Variants in ZNF536 observed in about 807,000 individuals in gnomAD.
ZNF536 encodes zinc finger protein 536.
In ZNF536, 13 loss-of-function variants were observed where a neutral mutation model predicts 84.5. The ratio of observed to expected loss-of-function variants is 0.15; its 90% CI spans 0.10 to 0.24. The LOEUF (loss-of-function observed/expected upper bound fraction) is 0.24, where lower values mean the gene tolerates loss of function less well. Among genes scored for constraint, ZNF536 ranks in the 10% least tolerant of loss-of-function variants. The pLI, the probability that ZNF536 is intolerant of heterozygous loss-of-function variation, is 1.00. For synonymous variants in ZNF536, 811 were observed against 742.5 expected, an observed-to-expected ratio of 1.09 and a Z score of -1.50; for missense variants, 1,536 against 1,747.5, an observed-to-expected ratio of 0.88 and a Z score of 2.16.
intron 1 of ZNF536, among the ~76,000 whole-genome samples, chr19:30,420,824 G>T (rs551868248): frequency 1.3e-5 from 2 of 152,156 alleles, no homozygotes; most frequent in African/African-American, 4.8e-5. Context: ...CAGAATTATG[G>T]TGCTATTTTC....
chr19:30,604,012 C>T (rs965432611), intron 1 of ZNF536, among the ~76,000 whole-genome samples: 1 of 152,148 alleles, frequency 6.6e-6, no homozygotes, highest in Non-Finnish European at 1.5e-5. Context: ...ATCGCTTGAA[C>T]CTGGGAGGCC....
At chr19:30,554,083 AC>A (rs34666982) in intron 4 of ZNF536, 18,575 of 127,470 alleles carry the variant, frequency 0.15, 1,345 homozygotes, top group Non-Finnish European at 0.18. Flanking sequence ...AATAATTGGG[AC>A]CCCCCCCCCT....
intron 1 of ZNF536, among the ~76,000 whole-genome samples, chr19:30,634,440 A>AG (rs1217718309): frequency 6.6e-6 from 1 of 152,096 alleles, no homozygotes. Context: ...GTCAGGAAAA[A>AG]TGATTACCCT....
chr19:30,445,863 C>T lies in ZNF536; in HGVS notation c.2170+131C>T. 7.9e-7 allele frequency: 1 copy of T among 1,264,860 alleles called. No homozygotes were observed. The highest frequency in any genetic ancestry group is 1.1e-6 in the Non-Finnish European group (1 of 946,978). The allele number at this position is 1,264,860 out of a possible 1,614,324, so 78.4% of individuals were successfully genotyped here. A position where few individuals can be genotyped will look rare whatever the true frequency, so the allele number is the denominator to read the frequency against. ...TGATTGAGGACAGGGGTGGGTTGGA[C>T]ACTGGGCCATGCCTTTCTTTCCCCC... On this transcript the variant is annotated intron_variant, in intron 2 of 4. Transcript: ENST00000355537. The surrounding 1 kb of genome is among the most constrained non-coding windows in gnomAD (Gnocchi z 4.5).
At chr19:30,606,770 GC>G (rs1427239226) in intron 1 of ZNF536, among the ~76,000 whole-genome samples, 1 of 152,148 alleles carries the variant, frequency 6.6e-6, no homozygotes, top group Non-Finnish European at 1.5e-5. Flanking sequence ...TCCAGCAGGG[GC>G]CCTGTCCAGC....
chr19:30,510,765 C>G (rs78826969), intron 2 of ZNF536, among the ~76,000 whole-genome samples: 3,692 of 152,342 alleles, frequency 0.024, 154 homozygotes, highest in African/African-American at 0.085. Context: ...TATGTTCCCA[C>G]TGTAGTTATC....
intron 2 of ZNF536, among the ~76,000 whole-genome samples, chr19:30,515,758 C>CCTATAAT (rs1333807537): frequency 6.6e-6 from 1 of 151,962 alleles, no homozygotes; most frequent in Non-Finnish European, 1.5e-5. Flanking sequence ...GTGGCTCACC[C>CCTATAAT]CTATAATCTA....
intron 2 of ZNF536, among the ~76,000 whole-genome samples, chr19:30,489,511 G>A (rs948650774): frequency 2.6e-5 from 4 of 152,148 alleles, no homozygotes; most frequent in African/African-American, 7.2e-5. Context: ...GAGCCCGGGA[G>A]GTCCAGAATG....
rs561552388 is a variant in ZNF536 at position 30,657,292 on chromosome 19, G to C, written c.170-53465G>C. Among the ~76,000 whole-genome samples, 8 of 152,298 alleles carry C rather than the reference G, an allele frequency of 5.3e-5. No individual in the cohort carries two copies. The South Asian group carries it at 1.7e-3, about 32-fold the overall frequency. On this transcript the variant is annotated intron_variant, in intron 1 of 1. Coordinates refer to the ZNF536 transcript ENST00000592773. ...AACTGCCTCAGCTTTAGTATTCTCT[G>C]TGTAATGACTATGAAAATAGAATCT...
intron 1 of ZNF536, among the ~76,000 whole-genome samples, chr19:30,266,513 A>T (rs1055382901): frequency 1.3e-5 from 2 of 152,132 alleles, no homozygotes; most frequent in African/African-American, 4.8e-5. Context: ...TCTCGTCTGT[A>T]TCTCTCTCCT....
intron 2 of ZNF536, among the ~76,000 whole-genome samples, chr19:30,472,836 G>A (rs1011001514): frequency 2.0e-5 from 3 of 152,046 alleles, no homozygotes; most frequent in African/African-American, 4.8e-5. Flanking sequence ...CTGCAAGGAA[G>A]TGCTCCAAGG....
At chr19:30,668,802 C>G (rs2050431132) in intron 1 of ZNF536, among the ~76,000 whole-genome samples, 1 of 152,234 alleles carries the variant, frequency 6.6e-6, no homozygotes, top group South Asian at 2.1e-4. Flanking sequence ...GAGCTCCCAA[C>G]TCATTCCACC....
chr19:30,497,021 C>T (rs1198703101), intron 2 of ZNF536, among the ~76,000 whole-genome samples: 1 of 152,128 alleles, frequency 6.6e-6, no homozygotes, highest in African/African-American at 2.4e-5. Flanking sequence ...ATGCTCTTTA[C>T]AAGAGAGATG....
At chr19:30,628,430 CTTTTT>C (rs35554742) in intron 1 of ZNF536, among the ~76,000 whole-genome samples, 1 of 139,350 alleles carries the variant, frequency 7.2e-6, no homozygotes, top group Non-Finnish European at 1.5e-5. Flanking sequence ...CCAGTAGTCA[CTTTTT>C]TTTTTTTTTT....
intron 1 of ZNF536, among the ~76,000 whole-genome samples, chr19:30,696,801 C>G (rs553743071): frequency 6.6e-6 from 1 of 152,280 alleles, no homozygotes; most frequent in East Asian, 1.9e-4. Flanking sequence ...CCAGAGGCTC[C>G]TCTCTGCTGA....
chr19:30,577,127 GT>G (rs1424845108), intron 1 of ZNF536, among the ~76,000 whole-genome samples: 3 of 152,164 alleles, frequency 2.0e-5, no homozygotes, highest in African/African-American at 7.2e-5. Context: ...TATTGTGCAT[GT>G]TTTTTTCTCC....
At chr19:30,681,668 G>C (rs376662734) in intron 1 of ZNF536, among the ~76,000 whole-genome samples, 11 of 152,282 alleles carry the variant, frequency 7.2e-5, no homozygotes, top group African/African-American at 2.6e-4. Flanking sequence ...TCATAATTTG[G>C]ATTCTAGGAA....
chr19:30,637,476 A>G (rs1283815852), intron 1 of ZNF536, among the ~76,000 whole-genome samples: 1 of 152,174 alleles, frequency 6.6e-6, no homozygotes, highest in East Asian at 1.9e-4. Context: ...CTGCCTTTTC[A>G]AATTATACCC....
chr19:30,286,548 A>AGAGAG (rs1568305284), intron 2 of ZNF536, among the ~76,000 whole-genome samples: 196 of 92,618 alleles, frequency 2.1e-3, no homozygotes, highest in African/African-American at 8.6e-3. Flanking sequence ...GAGAGAGAGA[A>AGAGAG]AGAGAGAGAC....
Sources: gnomAD v4.1 joint callset for allele counts (sites outside exome capture counted in the v4.1 genomes callset) on GRCh38, gnomAD v4.1.1 for gene constraint, Gnocchi (gnomAD v3.1) non-coding constraint, MANE v1.5 for transcripts, NCBI Gene and HGNC (gene_info 2026-07-23, HGNC 2026-07-21) for gene names.